PRDM16: variants seen among roughly 807,000 people sequenced by gnomAD.
PRDM16 encodes histone-lysine N-methyltransferase PRDM16.
A neutral mutation model predicts 110.6 loss-of-function variants in PRDM16; 23 were observed. That is an observed-to-expected ratio of 0.21 (90% CI 0.15 to 0.29). The LOEUF (loss-of-function observed/expected upper bound fraction) is 0.29. PRDM16 is among the 10% of genes least tolerant of loss of function. The pLI is 1.00. For missense variants in PRDM16, 1,615 were observed against 1,794.3 expected, an observed-to-expected ratio of 0.90 and a Z score of 1.81; for synonymous variants, 799 against 781.8, an observed-to-expected ratio of 1.02 and a Z score of -0.37.
intron 4 of PRDM16, 147 bp from the exon 5 acceptor site, chr1:3,396,344 C>T (rs1643385911): frequency 1.4e-6 from 1 of 703,620 alleles, no homozygotes; most frequent in Admixed American, 2.0e-5. Context: ...TGCAAAAGTT[C>T]CATAGTGGAC....
At chr1:3,271,142 T>A (rs886554556) in intron 3 of PRDM16, among the ~76,000 whole-genome samples, 2 of 152,214 alleles carry the variant, frequency 1.3e-5, no homozygotes, top group Admixed American at 6.5e-5. Flanking sequence ...GGGCAGAGAC[T>A]GGACATTCAC....
chr1:3,354,143 G>A (rs1435880023), intron 3 of PRDM16, among the ~76,000 whole-genome samples: 1 of 152,226 alleles, frequency 6.6e-6, no homozygotes, highest in African/African-American at 2.4e-5. Flanking sequence ...GGACTGCAGA[G>A]CATTTGAGAC....
chr1:3,183,754 C>T (rs1431894653), intron 1 of PRDM16, among the ~76,000 whole-genome samples: 3 of 152,212 alleles, frequency 2.0e-5, no homozygotes, highest in Non-Finnish European at 4.4e-5. Context: ...CAGAAAAAAG[C>T]CATGTTTTAA....
intron 2 of PRDM16, among the ~76,000 whole-genome samples, chr1:3,188,530 G>A (rs192676946): frequency 3.9e-5 from 6 of 152,320 alleles, no homozygotes; most frequent in Middle Eastern, 3.4e-3. Flanking sequence ...CGCACCTCCC[G>A]TTTCTGCGGA....
intron 8 of PRDM16, among the ~76,000 whole-genome samples, chr1:3,410,036 A>G (rs369856203): frequency 0.054 from 6,401 of 117,766 alleles, 256 homozygotes; most frequent in African/African-American, 0.14. Flanking sequence ...CATGTGTGTG[A>G]TTGTGTGTGT....
intron 1 of PRDM16, among the ~76,000 whole-genome samples, chr1:3,139,900 C>T (rs1034621147): frequency 6.6e-6 from 1 of 152,248 alleles, no homozygotes; most frequent in African/African-American, 2.4e-5. Flanking sequence ...TGTCCCCTCG[C>T]CGGGCTCTGG....
At chr1:3,088,488 T>C (rs1570229510) in intron 1 of PRDM16, among the ~76,000 whole-genome samples, 2 of 150,854 alleles carry the variant, frequency 1.3e-5, no homozygotes, top group East Asian at 3.9e-4. Context: ...TATTTTGAGA[T>C]GGAGTCTCGC....
chr1:3,072,826 G>A (rs187968593), intron 1 of PRDM16, among the ~76,000 whole-genome samples: 161 of 152,384 alleles, frequency 1.1e-3, no homozygotes, highest in Admixed American at 2.0e-3. Context: ...TGGAGTGCGG[G>A]GCTGGCCGCC....
chr1:3,374,692 G>A (rs964698537), intron 3 of PRDM16, among the ~76,000 whole-genome samples: 2 of 152,224 alleles, frequency 1.3e-5, no homozygotes, highest in African/African-American at 4.8e-5. Context: ...CTAAGGCAGA[G>A]CGCACAGCAT....
intron 1 of PRDM16, among the ~76,000 whole-genome samples, chr1:3,146,069 C>A (rs189308438): frequency 3.9e-4 from 59 of 152,314 alleles, no homozygotes; most frequent in East Asian, 5.8e-4. Context: ...AGGGTTTGGC[C>A]GAGCAGGAAA....
At chr1:3,203,108 G>A (rs1638671796) in intron 2 of PRDM16, among the ~76,000 whole-genome samples, 1 of 152,168 alleles carries the variant, frequency 6.6e-6, no homozygotes, top group South Asian at 2.1e-4. Context: ...CAGGGCAATT[G>A]CACACCACCC....
chr1:3,093,491 G>A (rs1329625679), intron 1 of PRDM16, among the ~76,000 whole-genome samples: 1 of 152,206 alleles, frequency 6.6e-6, no homozygotes, highest in East Asian at 1.9e-4. Context: ...AATCAAGTGG[G>A]GAATGAGAGC....
intron 1 of PRDM16, among the ~76,000 whole-genome samples, chr1:3,104,732 A>C (rs55898371): frequency 0.25 from 37,762 of 149,218 alleles, 5,255 homozygotes; most frequent in East Asian, 0.41. Flanking sequence ...TGGAGCCCCC[A>C]CCTCCCCACG....
intron 1 of PRDM16, among the ~76,000 whole-genome samples, chr1:3,170,414 A>G (rs1036207412): frequency 4.6e-5 from 7 of 151,752 alleles, no homozygotes; most frequent in African/African-American, 1.7e-4. Context: ...CCCCATCACC[A>G]TGTGGGTGGG....
Position 3,353,912 on chromosome 1 carries a change from A to G in PRDM16, c.439-31240A>G, listed in dbSNP as rs1001449132. Among the ~76,000 whole-genome samples, 1 of 152,074 alleles carries G rather than the reference A, an allele frequency of 6.6e-6. No homozygotes were observed. The highest frequency in any genetic ancestry group is 2.4e-5 in the African/African-American group (1 of 41,414). ...TCTAGAAGCCAAGGGGGCCCTTGGC[A>G]CACACATGTGGATGCAGGGCTGCCC... On this transcript the variant is annotated intron_variant, in intron 3 of 16. Transcript: ENST00000270722. This position sits in a 1 kb window ranked among gnomAD's most constrained non-coding sequence, Gnocchi z 5.4.
intron 1 of PRDM16, among the ~76,000 whole-genome samples, chr1:3,137,158 C>T (rs1287899816): frequency 6.6e-6 from 1 of 152,214 alleles, no homozygotes; most frequent in Non-Finnish European, 1.5e-5. Context: ...ACAGGGTGAC[C>T]CTGGCTGCCT....
In PRDM16 at chr1:3,404,810, A is replaced by G. The variant is rs1338343369; in HGVS notation, c.956A>G (p.Asn319Ser). The G allele has an allele frequency of 1.2e-6, 2 of 1,613,552 alleles. No homozygotes were observed. Among genetic ancestry groups the G allele is most frequent in the East Asian group, 2.2e-5 (1 of 44,882 alleles). ...TGCGACCAGTGTCCCAAGGCCTTCAACTGGAAGTCCAACCTCATCCGCCAC... is the reference window on the plus strand; with the variant it reads ...TGCGACCAGTGTCCCAAGGCCTTCAGCTGGAAGTCCAACCTCATCCGCCAC... Reference protein sequence around the residue: ...YKCDQCPKAFNWKSNLIRHQM... With the variant: ...YKCDQCPKAFSWKSNLIRHQM... Residue 319 changes from asparagine (N) to serine (S), a missense_variant, in exon 7 of 17, where the codon AAC becomes AGC. Coordinates refer to ENST00000270722, the MANE Select transcript of PRDM16 (RefSeq NM_022114.4).
chr1:3,433,120 A>C (rs1307509226), intron 16 of PRDM16, among the ~76,000 whole-genome samples: 1 of 151,010 alleles, frequency 6.6e-6, no homozygotes, highest in East Asian at 1.9e-4. Context: ...TGGAGGAAAC[A>C]GGGGGAAGGG....
In PRDM16 at chr1:3,265,102, G is replaced by A. The variant is rs368324237; in HGVS notation, c.438+20965G>A. ...AGGGAGGGGAGACCAGCAGGGAGGC[G>A]GGAGGCAGCCCTGGAATCCCTGGTG... On this transcript the variant is annotated intron_variant, in intron 3 of 16. Transcript: ENST00000270722. This position sits in a 1 kb window ranked among gnomAD's most constrained non-coding sequence, Gnocchi z 4.5. 6.7e-4 allele frequency among the ~76,000 whole-genome samples: 102 copies of A among 152,222 alleles called. No homozygotes were observed. The highest frequency in any genetic ancestry group is 2.2e-3 in the African/African-American group (91 of 41,522).
Sources: allele counts gnomAD v4.1 joint callset (sites outside exome capture counted in the v4.1 genomes callset), GRCh38; gene constraint gnomAD v4.1.1; non-coding constraint Gnocchi (gnomAD v3.1); transcripts MANE v1.5; gene names NCBI Gene and HGNC (gene_info 2026-07-23, HGNC 2026-07-21).